DSCAM: variants seen among roughly 807,000 people sequenced by gnomAD.
DSCAM encodes the protein DS cell adhesion molecule.
Under a neutral mutation model 217.7 loss-of-function variants are expected in DSCAM, and 47 were observed. That is an observed-to-expected ratio of 0.22 (90% CI 0.17 to 0.28). The LOEUF is 0.28. DSCAM is among the 10% of genes least tolerant of loss of function. DSCAM has a pLI of 1.00. For synonymous variants in DSCAM, 1,056 were observed against 1,015.3 expected (o/e 1.04, Z -0.76); for missense variants, 2,080 against 2,618.3 (o/e 0.79, Z 4.49).
At chr21:40,214,290 C>T (rs2146888002) in intron 11 of DSCAM, among the ~76,000 whole-genome samples, 1 of 152,326 alleles carries the variant, frequency 6.6e-6, no homozygotes, top group Non-Finnish European at 1.5e-5. Flanking sequence ...GACATTCTTA[C>T]TCAGTCATAG....
intron 11 of DSCAM, among the ~76,000 whole-genome samples, chr21:40,260,293 T>C (rs373614750): frequency 1.3e-5 from 2 of 152,166 alleles, no homozygotes; most frequent in Admixed American, 6.5e-5. Flanking sequence ...CTGGAATCAA[T>C]TGGCTTAAGG....
chr21:40,770,048 G>A (rs1331476340), intron 1 of DSCAM, among the ~76,000 whole-genome samples: 1 of 152,066 alleles, frequency 6.6e-6, no homozygotes, highest in East Asian at 1.9e-4. Context: ...CTGCCTTACT[G>A]CCTTATCAAA....
rs1348769662 is a variant in DSCAM, at chr21:40,124,345, T to G, written c.3563-17A>C. The G allele has an allele frequency of 6.2e-7, 1 of 1,612,892 alleles. No individual in the cohort carries two copies. The highest frequency in any genetic ancestry group is 1.3e-5 in the African/African-American group (1 of 74,778). Reference sequence around the variant, plus strand: ...GACCTGGAACTGGAAGAGCCGTGTGTTTAGTCACAAGGTGGGGCCTCAACT... The same window carrying G: ...GACCTGGAACTGGAAGAGCCGTGTGGTTAGTCACAAGGTGGGGCCTCAACT... On this transcript the variant is annotated splice_polypyrimidine_tract_variant and intron_variant, in intron 19 of 32. Transcript: ENST00000400454.
At chr21:40,078,203 T>C (rs1396797168) in intron 26 of DSCAM, among the ~76,000 whole-genome samples, 1 of 152,242 alleles carries the variant, frequency 6.6e-6, no homozygotes, top group African/African-American at 2.4e-5. Context: ...ATTATCCTAT[T>C]TCCATCAGTG....
At chr21:40,537,308 C>G (rs1475957743) in intron 3 of DSCAM, among the ~76,000 whole-genome samples, 3 of 152,202 alleles carry the variant, frequency 2.0e-5, no homozygotes, top group Non-Finnish European at 4.4e-5. Flanking sequence ...GACAGACAGA[C>G]AGCAGGCTGA....
intron 11 of DSCAM, among the ~76,000 whole-genome samples, chr21:40,255,341 T>G (rs1363418919): frequency 1.3e-5 from 2 of 152,206 alleles, no homozygotes; most frequent in Non-Finnish European, 2.9e-5. Flanking sequence ...ATCTACTACA[T>G]GTATGTGGCT....
intron 20 of DSCAM, among the ~76,000 whole-genome samples, chr21:40,114,239 A>G (rs1339922441): frequency 7.0e-6 from 1 of 143,092 alleles, no homozygotes; most frequent in Non-Finnish European, 1.6e-5. Flanking sequence ...AACAGAACAG[A>G]GCCCTCAGAA....
chr21:40,425,419 G>A (rs532889852), intron 3 of DSCAM, among the ~76,000 whole-genome samples: 5 of 151,996 alleles, frequency 3.3e-5, no homozygotes, highest in African/African-American at 7.2e-5. Context: ...CGAGTTAACG[G>A]GTGCAGCACA....
intron 27 of DSCAM, among the ~76,000 whole-genome samples, chr21:40,068,449 T>C (rs945420595): frequency 2.6e-5 from 4 of 152,250 alleles, no homozygotes; most frequent in African/African-American, 9.6e-5. Context: ...ATATAATATA[T>C]ACATATTTAA....
chr21:40,413,326 A>T (rs1047390097), intron 3 of DSCAM, among the ~76,000 whole-genome samples: 2 of 152,202 alleles, frequency 1.3e-5, no homozygotes, highest in Non-Finnish European at 2.9e-5. Flanking sequence ...AAAGCTGCAG[A>T]CACTCAACAC....
chr21:40,511,636 TC>T (rs1386929850), intron 3 of DSCAM, among the ~76,000 whole-genome samples: 2 of 152,062 alleles, frequency 1.3e-5, no homozygotes, highest in Admixed American at 6.6e-5. Flanking sequence ...ACCCTGCACT[TC>T]CAGTAAAACA....
chr21:40,358,128 A>G (rs1013309322), intron 4 of DSCAM, among the ~76,000 whole-genome samples: 3 of 152,166 alleles, frequency 2.0e-5, no homozygotes, highest in Non-Finnish European at 4.4e-5. Flanking sequence ...TAATCCCACA[A>G]TCTCTGAAAA....
chr21:40,211,699 C>G (rs1397000214), intron 11 of DSCAM, among the ~76,000 whole-genome samples: 1 of 151,566 alleles, frequency 6.6e-6, no homozygotes, highest in Non-Finnish European at 1.5e-5. Flanking sequence ...CATGATGCAT[C>G]AGACATGTAG....
intron 4 of DSCAM, among the ~76,000 whole-genome samples, chr21:40,366,983 C>G (rs1221295194): frequency 6.6e-6 from 1 of 152,220 alleles, no homozygotes; most frequent in Non-Finnish European, 1.5e-5. Context: ...TTGTATTCTA[C>G]TCTGGCTCAA....
At chr21:40,248,616 A>C (rs912546642) in intron 11 of DSCAM, among the ~76,000 whole-genome samples, 1 of 152,228 alleles carries the variant, frequency 6.6e-6, no homozygotes, top group African/African-American at 2.4e-5. Flanking sequence ...GGGCAAAGCC[A>C]TTCAAGTCTC....
intron 6 of DSCAM, among the ~76,000 whole-genome samples, chr21:40,344,662 T>C (rs1313940794): frequency 1.3e-5 from 2 of 152,212 alleles, no homozygotes; most frequent in Non-Finnish European, 2.9e-5. Context: ...GTCCTCATTA[T>C]GTAATATTTT....
At chr21:40,304,277 C>T (rs906204554) in intron 9 of DSCAM, among the ~76,000 whole-genome samples, 1 of 152,206 alleles carries the variant, frequency 6.6e-6, no homozygotes, top group Non-Finnish European at 1.5e-5. Context: ...ACAATGACCC[C>T]AGGTCAAACT....
chr21:40,114,946 A>C (rs2089949588), intron 20 of DSCAM, among the ~76,000 whole-genome samples: 1 of 152,224 alleles, frequency 6.6e-6, no homozygotes, highest in Admixed American at 6.5e-5. Context: ...AGAAATAGGA[A>C]CACTTTTACA....
At chr21:40,583,199 T>A (rs1001973185) in intron 3 of DSCAM, among the ~76,000 whole-genome samples, 1 of 152,188 alleles carries the variant, frequency 6.6e-6, no homozygotes, top group East Asian at 1.9e-4. Context: ...ATAAACATCC[T>A]GGGCACAGCC....
Sources: allele counts gnomAD v4.1 joint callset (sites outside exome capture counted in the v4.1 genomes callset), GRCh38; gene constraint gnomAD v4.1.1; transcripts MANE v1.5; gene names NCBI Gene and HGNC (gene_info 2026-07-23, HGNC 2026-07-21).